The following CDKAL1 variants were observed in gnomAD, a reference collection of about 807,000 sequenced individuals.
The protein encoded by CDKAL1 is threonylcarbamoyladenosine tRNA methylthiotransferase.
A neutral mutation model predicts 68.2 loss-of-function variants in CDKAL1; 32 were observed. That is an observed-to-expected ratio of 0.47 (90% CI 0.35 to 0.63). CDKAL1 has a LOEUF of 0.63. Among genes scored for constraint, CDKAL1 ranks in the 30% least tolerant of loss-of-function variants. The pLI is 0.00. For missense variants in CDKAL1, 606 were observed against 696.7 expected, an observed-to-expected ratio of 0.87 and a Z score of 1.47; for synonymous variants, 234 against 244.3, an observed-to-expected ratio of 0.96 and a Z score of 0.39.
chr6:20,866,443 G>GA lies in CDKAL1; in HGVS notation c.742+20273dup, dbSNP rs200431620. ...ATCTGTCAAATATCAAATACACTCA[G>GA]AAAAAAAACTGTTTCAGACACAAAA... On this transcript the variant is annotated intron_variant, in intron 9 of 15. Transcript: ENST00000274695. Among the ~76,000 whole-genome samples the GA allele has an allele frequency of 6.6e-3, 1,002 of 151,894 alleles. 6 individuals are homozygous for GA. The highest frequency in any genetic ancestry group is 0.021 in the South Asian group (102 of 4,812).
chr6:21,188,734 G>C (rs755935174), intron 13 of CDKAL1, among the ~76,000 whole-genome samples: 20 of 152,202 alleles, frequency 1.3e-4, no homozygotes, highest in Non-Finnish European at 1.3e-4. Context: ...GATGTACTTT[G>C]TGCCGGCTCT....
chr6:20,593,777 A>G (rs1765698357), intron 4 of CDKAL1, among the ~76,000 whole-genome samples: 2 of 152,168 alleles, frequency 1.3e-5, no homozygotes, highest in Admixed American at 6.5e-5. Flanking sequence ...TTAGGGTGTC[A>G]ATTTTAGATC....
At chr6:20,568,962 C>G (rs1356391381) in intron 4 of CDKAL1, among the ~76,000 whole-genome samples, 1 of 152,140 alleles carries the variant, frequency 6.6e-6, no homozygotes, top group East Asian at 1.9e-4. Flanking sequence ...ATCTTGAGTA[C>G]AGAGATGGCC....
At chr6:21,172,184 G>C (rs1777414911) in intron 13 of CDKAL1, among the ~76,000 whole-genome samples, 1 of 152,106 alleles carries the variant, frequency 6.6e-6, no homozygotes, top group African/African-American at 2.4e-5. Context: ...CTCACAATCG[G>C]GGGTATCACA....
intron 5 of CDKAL1, among the ~76,000 whole-genome samples, chr6:20,671,941 C>T (rs1207289285): frequency 6.6e-6 from 1 of 152,132 alleles, no homozygotes; most frequent in Non-Finnish European, 1.5e-5. Context: ...TTAGTCTTTA[C>T]CACCAGTGTT....
chr6:20,635,588 G>T (rs1767869250), intron 4 of CDKAL1, among the ~76,000 whole-genome samples: 1 of 152,098 alleles, frequency 6.6e-6, no homozygotes, highest in Admixed American at 6.5e-5. Context: ...TGAGCATCCT[G>T]CGGTTACTCA....
rs557044200 is a variant in CDKAL1, at chr6:21,145,973, A to G, written c.1299+37510A>G. 3.3e-5 allele frequency among the ~76,000 whole-genome samples: 5 copies of G among 152,320 alleles called. No individual in the cohort carries two copies. The South Asian group carries it at 1.0e-3, about 32-fold the overall frequency. ...AGTACTGTTGACAATAGGCAACACA[A>G]AGAGTGGTATTTCCTAAAGGTTCTA... On this transcript the variant is annotated intron_variant, in intron 13 of 15. Coordinates refer to ENST00000274695, the MANE Select transcript of CDKAL1 (RefSeq NM_017774.3).
intron 4 of CDKAL1, among the ~76,000 whole-genome samples, chr6:20,550,010 G>A (rs1481574153): frequency 2.0e-5 from 3 of 149,446 alleles, no homozygotes; most frequent in East Asian, 2.0e-4. Flanking sequence ...ACAGAGTCTC[G>A]CTTTGTTGCC....
At chr6:20,840,110 T>C (rs1778115102) in intron 8 of CDKAL1, among the ~76,000 whole-genome samples, 1 of 152,200 alleles carries the variant, frequency 6.6e-6, no homozygotes, top group African/African-American at 2.4e-5. Flanking sequence ...GCTGGCTGTA[T>C]AACTTTGAGC....
intron 13 of CDKAL1, among the ~76,000 whole-genome samples, chr6:21,168,986 C>T (rs1224349636): frequency 6.6e-6 from 1 of 152,084 alleles, no homozygotes; most frequent in Non-Finnish European, 1.5e-5. Flanking sequence ...TCCTGGGCTG[C>T]AAGACAAAGT....
intron 5 of CDKAL1, among the ~76,000 whole-genome samples, chr6:20,650,209 C>G (rs1768690181): frequency 6.6e-6 from 1 of 152,182 alleles, no homozygotes; most frequent in Non-Finnish European, 1.5e-5. Flanking sequence ...TATTTATCCA[C>G]AGCCTCGCCA....
chr6:20,636,564 A>G (rs1767913225), intron 4 of CDKAL1, among the ~76,000 whole-genome samples: 1 of 152,200 alleles, frequency 6.6e-6, no homozygotes, highest in Non-Finnish European at 1.5e-5. Context: ...TTTGGCTATC[A>G]TCTCAGCCAA....
intron 12 of CDKAL1, among the ~76,000 whole-genome samples, chr6:21,096,939 G>C (rs1018936030): frequency 6.6e-6 from 1 of 152,088 alleles, no homozygotes; most frequent in Non-Finnish European, 1.5e-5. Flanking sequence ...ATATGTTAAA[G>C]GAACATTTTA....
chr6:20,732,078 C>T (rs1173994175), intron 5 of CDKAL1, among the ~76,000 whole-genome samples: 1 of 151,262 alleles, frequency 6.6e-6, no homozygotes, highest in African/African-American at 2.4e-5. Flanking sequence ...TGGAGTCTTG[C>T]TCTGCTCCCC....
At chr6:20,823,397 T>C (rs919952984) in intron 8 of CDKAL1, among the ~76,000 whole-genome samples, 1 of 152,210 alleles carries the variant, frequency 6.6e-6, no homozygotes, top group Non-Finnish European at 1.5e-5. Context: ...TAGAATTTAA[T>C]TGAATTGATA....
At chr6:20,896,010 G>A (rs1306688383) in intron 9 of CDKAL1, among the ~76,000 whole-genome samples, 1 of 151,650 alleles carries the variant, frequency 6.6e-6, no homozygotes, top group Non-Finnish European at 1.5e-5. Flanking sequence ...AGCATTCTGA[G>A]CAATGACTGA....
intron 13 of CDKAL1, among the ~76,000 whole-genome samples, chr6:21,126,366 G>C (rs1450133406): frequency 6.6e-6 from 1 of 152,202 alleles, no homozygotes; most frequent in African/African-American, 2.4e-5. Context: ...GGTGCTTTAA[G>C]ATATACTGTG....
chr6:20,886,576 G>T (rs80038637), intron 9 of CDKAL1, among the ~76,000 whole-genome samples: 2 of 152,080 alleles, frequency 1.3e-5, no homozygotes, highest in Non-Finnish European at 1.5e-5. Context: ...AATGATGTTC[G>T]GATATATGCT....
At chr6:20,968,492 G>T (rs1443188294) in intron 10 of CDKAL1, among the ~76,000 whole-genome samples, 1 of 151,950 alleles carries the variant, frequency 6.6e-6, no homozygotes, top group Non-Finnish European at 1.5e-5. Flanking sequence ...GAGAGGTTTT[G>T]GCCACTATTT....
Sources: allele counts gnomAD v4.1 joint callset (sites outside exome capture counted in the v4.1 genomes callset), GRCh38; gene constraint gnomAD v4.1.1; transcripts MANE v1.5; gene names NCBI Gene and HGNC (gene_info 2026-07-23, HGNC 2026-07-21).